Variants in HIBCH observed in about 807,000 individuals in gnomAD.
HIBCH encodes the protein 3-hydroxyisobutyryl-CoA hydrolase, mitochondrial.
A neutral mutation model predicts 58.2 loss-of-function variants in HIBCH; 50 were observed. That is an observed-to-expected ratio of 0.86 (90% confidence interval 0.68 to 1.09). The LOEUF (loss-of-function observed/expected upper bound fraction) is 1.09. Among genes scored for constraint, HIBCH ranks in the 50% least tolerant of loss-of-function variants. HIBCH has a pLI of 0.00. For synonymous variants in HIBCH, 151 were observed against 146.9 expected (o/e 1.03, Z -0.20); for missense variants, 450 against 449.7 (o/e 1.00, Z -0.01).
chr2:190,255,884 A>G (rs887685490), intron 7 of HIBCH, among the ~76,000 whole-genome samples: 1 of 152,148 alleles, frequency 6.6e-6, no homozygotes, highest in Non-Finnish European at 1.5e-5. Flanking sequence ...ATGATTAGTC[A>G]GTTTTCACAC....
intron 11 of HIBCH, among the ~76,000 whole-genome samples, chr2:190,221,083 C>A (rs1054186556): frequency 7.5e-6 from 1 of 132,768 alleles, no homozygotes; most frequent in African/African-American, 2.5e-5. Context: ...TTTATCTGTG[C>A]TTGTTTCATA....
intron 6 of HIBCH, among the ~76,000 whole-genome samples, chr2:190,262,241 C>A (rs771918042): frequency 2.8e-4 from 42 of 148,250 alleles, no homozygotes; most frequent in Non-Finnish European, 6.0e-4. Context: ...GAAAACAAAA[C>A]AAACACATAA....
At chr2:190,218,592 A>G (rs1348641250) in intron 11 of HIBCH, among the ~76,000 whole-genome samples, 1 of 152,154 alleles carries the variant, frequency 6.6e-6, no homozygotes, top group Non-Finnish European at 1.5e-5. Flanking sequence ...CTAAAAATTA[A>G]AAATATGGGG....
intron 1 of HIBCH, among the ~76,000 whole-genome samples, chr2:190,319,440 T>G (rs537980416): frequency 1.3e-5 from 2 of 152,082 alleles, no homozygotes; most frequent in East Asian, 1.9e-4. Context: ...GGAAAGAAAC[T>G]GAGGCCAAAA....
At chr2:190,220,892 C>T (rs62184386) in intron 11 of HIBCH, among the ~76,000 whole-genome samples, 48,109 of 151,994 alleles carry the variant, frequency 0.32, 9,699 homozygotes, top group South Asian at 0.47. Context: ...ACAGTGCTGC[C>T]AGGTGCAAGC....
intron 2 of HIBCH, among the ~76,000 whole-genome samples, chr2:190,309,202 A>G (rs1489690357): frequency 6.6e-6 from 1 of 152,208 alleles, no homozygotes; most frequent in Non-Finnish European, 1.5e-5. Context: ...CTTCAAGTAC[A>G]TCCAGGTCAG....
intron 11 of HIBCH, among the ~76,000 whole-genome samples, chr2:190,218,512 G>T (rs979001233): frequency 6.6e-6 from 1 of 152,050 alleles, no homozygotes; most frequent in Admixed American, 6.6e-5. Context: ...AGAATTACTA[G>T]AACTCCTGGT....
At chr2:190,230,378 T>G (rs2105919301) in intron 11 of HIBCH, among the ~76,000 whole-genome samples, 1 of 152,336 alleles carries the variant, frequency 6.6e-6, no homozygotes, top group African/African-American at 2.4e-5. Context: ...CCAATAAATC[T>G]GACAACTTAA....
rs768977752 is a variant in HIBCH, at chr2:190,216,472, G to C, written c.892-3397C>G. 1.3e-5 allele frequency among the ~76,000 whole-genome samples: 2 copies of C among 152,160 alleles called. No homozygotes were observed. Among genetic ancestry groups the C allele is most frequent in the Non-Finnish European group, 2.9e-5 (2 of 68,038 alleles). On this transcript the variant is annotated intron_variant, in intron 11 of 13. Transcript: ENST00000359678. The surrounding 1 kb of genome is among the most constrained non-coding windows in gnomAD (Gnocchi z 4.2). ...AAGGTCTGGGGGGCTATATAAGTTAGATCAGAGGGTTGTAAACTCAAATGA... is the reference window on the plus strand; with the variant it reads ...AAGGTCTGGGGGGCTATATAAGTTACATCAGAGGGTTGTAAACTCAAATGA...
At chr2:190,199,781 T>C (rs1316084747), downstream of HIBCH, 1 of 1,558,624 alleles carries the variant, frequency 6.4e-7, no homozygotes, top group East Asian at 2.2e-5. Context: ...CAACATCACA[T>C]GGACAAATTT....
intron 5 of HIBCH, among the ~76,000 whole-genome samples, chr2:190,289,184 A>C (rs972067179): frequency 2.6e-5 from 4 of 152,168 alleles, no homozygotes; most frequent in African/African-American, 9.6e-5. Context: ...TTTAATGTTA[A>C]ATGAGTATAC....
intron 7 of HIBCH, among the ~76,000 whole-genome samples, chr2:190,256,156 T>C (rs959656025): frequency 6.6e-6 from 1 of 152,078 alleles, no homozygotes; most frequent in African/African-American, 2.4e-5. Context: ...CTACCAGATC[T>C]CTCCCTGGAC....
intron 4 of HIBCH, among the ~76,000 whole-genome samples, chr2:190,291,433 G>A (rs182769697): frequency 3.9e-5 from 6 of 152,098 alleles, no homozygotes; most frequent in Admixed American, 3.9e-4. Flanking sequence ...AAGGTAAATA[G>A]GAATTTCCTA....
At chr2:190,212,908 A>C in intron 12 of HIBCH, 48 bp downstream of exon 12, 1 of 1,506,020 alleles carries the variant, frequency 6.6e-7, no homozygotes, top group Non-Finnish European at 9.2e-7. Flanking sequence ...CAATAAACGT[A>C]TGTTACTTTT....
At chr2:190,199,373 A>T (rs752850307), downstream of HIBCH, among the ~76,000 whole-genome samples, 1 of 152,202 alleles carries the variant, frequency 6.6e-6, no homozygotes, top group Non-Finnish European at 1.5e-5. Flanking sequence ...ATTTGGCCCA[A>T]TGGTTTGCTA....
At chr2:190,199,996 G>GAGGAAGT, downstream of HIBCH, 1 of 1,614,100 alleles carries the variant, frequency 6.2e-7, no homozygotes, top group South Asian at 1.1e-5. Flanking sequence ...TAATGTCAAA[G>GAGGAAGT]AGGAAGTGAA....
Position 190,252,231 on chromosome 2 carries a change from T to A in HIBCH, c.594A>T (p.Thr198=), listed in dbSNP as rs977610199. The change falls in exon 8 of 14, where the codon ACA becomes ACT. Residue 198 remains threonine, a synonymous_variant. Transcript: ENST00000359678. The stretch of plus-strand genomic sequence containing the variant: ...CATCTCTTCCTTTTAGTCTGAATCC[T>A]GTTAATGCAAGGAAGTAACCAAGTT... ...QGKLGYFLAL[T]GFRLKGRDVY... 1.2e-6 allele frequency: 2 copies of A among 1,613,648 alleles called. No individual in the cohort carries two copies. The highest frequency in any genetic ancestry group is 3.3e-5 in the Admixed American group (2 of 60,008).
intron 6 of HIBCH, among the ~76,000 whole-genome samples, chr2:190,272,056 T>C (rs1687415247): frequency 6.6e-6 from 1 of 150,730 alleles, no homozygotes; most frequent in East Asian, 2.0e-4. Context: ...AATTCCTCCT[T>C]CCTTAAGCCT....
In HIBCH at chr2:190,290,466, C is replaced by A. The variant is rs1389926665; in HGVS notation, c.324G>T (p.Lys108Asn). ...AAACTGGAGCTATCTTCTGTTTTGC[C>A]TTTTCAGCTTCCGAGATCACTAGGA... ...GDIRVISEAE[K>N]AKQKIAPVFF... Residue 108 changes from lysine to asparagine, a missense_variant, in exon 5 of 14, where the codon AAG becomes AAT. Physicochemically the swap from Lys to Asn is moderately conservative, Grantham distance 94 (BLOSUM62 0). Transcript: ENST00000359678. 7 of 1,609,632 alleles carry A rather than the reference C, an allele frequency of 4.3e-6. No homozygotes were observed. Among genetic ancestry groups the A allele is most frequent in the Non-Finnish European group, 5.9e-6 (7 of 1,176,898 alleles).
Sources: gnomAD v4.1 joint callset for allele counts (sites outside exome capture counted in the v4.1 genomes callset) on GRCh38, gnomAD v4.1.1 for gene constraint, Gnocchi (gnomAD v3.1) non-coding constraint, MANE v1.5 for transcripts, NCBI Gene and HGNC (gene_info 2026-07-23, HGNC 2026-07-21) for gene names.